The following THAP4 variants were observed in gnomAD, a reference collection of about 807,000 sequenced individuals.
THAP4 encodes the protein THAP domain containing 4.
Under a neutral mutation model 48.1 loss-of-function variants are expected in THAP4, and 18 were observed. The ratio of observed to expected loss-of-function variants is 0.37; its 90% confidence interval spans 0.26 to 0.56. THAP4 has a LOEUF of 0.56. THAP4 is among the 20% of genes least tolerant of loss of function. The probability of loss-of-function intolerance (pLI) is 0.78; values close to 1 mark genes in which losing one functional copy is unlikely to be tolerated. For synonymous variants in THAP4, 345 were observed against 324.9 expected (o/e 1.06, Z -0.66); for missense variants, 656 against 774.9 (o/e 0.85, Z 1.82).
At chr2:241,627,707 C>A (rs2067510848) in intron 2 of THAP4, among the ~76,000 whole-genome samples, 1 of 152,214 alleles carries the variant, frequency 6.6e-6, no homozygotes, top group Admixed American at 6.5e-5. Flanking sequence ...CAGCAAGAAC[C>A]ACAGAGTGCA....
intron 3 of THAP4, among the ~76,000 whole-genome samples, chr2:241,604,131 C>G (rs193282287): frequency 6.6e-6 from 1 of 152,102 alleles, no homozygotes; most frequent in Non-Finnish European, 1.5e-5. Context: ...CACCCAGGCT[C>G]GTCGCGGTCT....
intron 2 of THAP4, among the ~76,000 whole-genome samples, chr2:241,617,726 CT>C (rs1300015638): frequency 6.6e-6 from 1 of 152,180 alleles, no homozygotes; most frequent in Non-Finnish European, 1.5e-5. Flanking sequence ...CCTCAGCCTC[CT>C]CCACCAGCTA....
intron 2 of THAP4, among the ~76,000 whole-genome samples, chr2:241,606,890 T>C (rs967120064): frequency 1.3e-5 from 2 of 152,062 alleles, no homozygotes; most frequent in Non-Finnish European, 2.9e-5. Context: ...AGCTCAGGGG[T>C]CCTCCATGTC....
At chr2:241,622,329 C>T (rs1281089603) in intron 2 of THAP4, among the ~76,000 whole-genome samples, 1 of 152,150 alleles carries the variant, frequency 6.6e-6, no homozygotes, top group Non-Finnish European at 1.5e-5. Flanking sequence ...GATCACGCCA[C>T]TGCACCCCAG....
intron 2 of THAP4, among the ~76,000 whole-genome samples, chr2:241,629,157 C>T (rs898337127): frequency 6.6e-6 from 1 of 151,976 alleles, no homozygotes; most frequent in African/African-American, 2.4e-5. Flanking sequence ...CAAAGAGGGG[C>T]TCACGTGTTT....
intron 5 of THAP4, among the ~76,000 whole-genome samples, chr2:241,586,857 T>C (rs1464605920): frequency 1.3e-5 from 2 of 151,984 alleles, no homozygotes; most frequent in Admixed American, 6.6e-5. Context: ...ACATTGAAAA[T>C]TGCAAAAGAC....
In THAP4 at chr2:241,590,030, C is replaced by T. The variant is rs796067264; in HGVS notation, c.1615-5305G>A. Reference sequence around the variant, plus strand: ...AGGACACTCAGAGCTGCTCGGCTGACGATGACGGGCACTAGGACACGCAGA... The same window carrying T: ...AGGACACTCAGAGCTGCTCGGCTGATGATGACGGGCACTAGGACACGCAGA... On this transcript the variant is annotated intron_variant, in intron 5 of 5. Transcript: ENST00000407315. Among the ~76,000 whole-genome samples the T allele has an allele frequency of 2.0e-3, 163 of 81,244 alleles. 1 individual carries two copies. The Middle Eastern group carries it at 0.034, about 17-fold the overall frequency. 53.3% of individuals were successfully genotyped at this position (81,244 alleles called of 152,430 possible).
chr2:241,636,805 G>T, intron 1 of THAP4, 136 bp downstream of exon 1: 2 of 338,084 alleles, frequency 5.9e-6, no homozygotes, highest in Non-Finnish European at 8.3e-6. Flanking sequence ...GTCACACAGC[G>T]CCCACGCCCG....
intron 5 of THAP4, among the ~76,000 whole-genome samples, chr2:241,593,037 G>A (rs1237969201): frequency 6.6e-6 from 1 of 152,180 alleles, no homozygotes; most frequent in Non-Finnish European, 1.5e-5. Context: ...GAGGCCATGA[G>A]TTTGAGACCA....
intron 2 of THAP4, among the ~76,000 whole-genome samples, chr2:241,624,651 T>C (rs1383195293): frequency 1.3e-5 from 2 of 152,192 alleles, no homozygotes; most frequent in Non-Finnish European, 2.9e-5. Flanking sequence ...AATTCTGTAG[T>C]TCTGAAGTTT....
intron 2 of THAP4, among the ~76,000 whole-genome samples, chr2:241,620,193 G>A (rs1457357654): frequency 1.9e-5 from 1 of 51,552 alleles, no homozygotes; most frequent in Non-Finnish European, 3.6e-5. Context: ...GTGAGTGAGG[G>A]GTGAGGAGTG....
At chr2:241,629,155 G>A (rs1038154731) in intron 2 of THAP4, among the ~76,000 whole-genome samples, 2 of 151,998 alleles carry the variant, frequency 1.3e-5, no homozygotes, top group Admixed American at 6.6e-5. Context: ...CACAAAGAGG[G>A]GCTCACGTGT....
intron 1 of THAP4, among the ~76,000 whole-genome samples, chr2:241,634,366 G>T (rs1186472358): frequency 6.6e-6 from 1 of 152,178 alleles, no homozygotes; most frequent in Admixed American, 6.5e-5. Context: ...ATGCCCAATG[G>T]GGACACAGGA....
In THAP4 at chr2:241,584,720, G is replaced by A; in HGVS notation, c.1620C>T (p.Thr540=). ...FAKEPHVEQI[T]RKFRLNSEGK... is the part of the protein sequence containing the mutation. ...CTTCAGAATTCAGCCTGAACTTCCG[G>A]GTGATCTGAGCAGGAGAATGGAACA... Residue 540 remains threonine, a synonymous_variant, in exon 6 of 6, where the codon ACC becomes ACT. Transcript: ENST00000407315. The A allele has an allele frequency of 6.2e-7, 1 of 1,614,214 alleles. No individual in the cohort carries two copies. The highest frequency in any genetic ancestry group is 8.5e-7 in the Non-Finnish European group (1 of 1,180,038).
chr2:241,598,967 T>C (rs1325597909), intron 5 of THAP4, among the ~76,000 whole-genome samples: 3 of 150,890 alleles, frequency 2.0e-5, no homozygotes, highest in Non-Finnish European at 4.4e-5. Context: ...AAAAAAAGGC[T>C]ATCCGGCTGG....
At chr2:241,598,960 A>C (rs1373051536) in intron 5 of THAP4, among the ~76,000 whole-genome samples, 1 of 152,170 alleles carries the variant, frequency 6.6e-6, no homozygotes, top group Non-Finnish European at 1.5e-5. Flanking sequence ...ACAACTAAAA[A>C]AAAGGCTATC....
In THAP4 at chr2:241,621,306, C is replaced by A. The variant is rs138865077; in HGVS notation, c.1240+11611G>T. The stretch of plus-strand genomic sequence containing the variant: ...GAGGTTGCAGTGAGCCGAGACTGTG[C>A]CACTGCACTCCAGCCTGGGCAACAG... On this transcript the variant is annotated intron_variant, in intron 2 of 5. Coordinates refer to ENST00000407315, the MANE Select transcript of THAP4 (RefSeq NM_015963.6). 2.1e-3 allele frequency among the ~76,000 whole-genome samples: 326 copies of A among 152,188 alleles called. 1 individual carries two copies. Among genetic ancestry groups the A allele is most frequent in the Non-Finnish European group, 3.4e-3 (231 of 68,026 alleles).
intron 4 of THAP4, chr2:241,602,201 C>T: frequency 8.3e-6 from 5 of 604,400 alleles, no homozygotes; most frequent in South Asian, 6.1e-5. Context: ...CAGGCAGGTG[C>T]TCTATGGAAG....
In THAP4 at chr2:241,633,014, G is replaced by A. The variant is rs774982022; in HGVS notation, c.1143C>T (p.Ser381=). ...GELKSLRQRV[S]RSDSQVRKLQ... ...GCTTCCGCACCTGGCTGTCGGAGCG[G>A]CTGACCCTCTGCCGCAGGCTCTTCA... The change falls in exon 2 of 6, where the codon AGC becomes AGT. Residue 381 remains serine, a synonymous_variant. Coordinates refer to ENST00000407315, the MANE Select transcript of THAP4 (RefSeq NM_015963.6). The surrounding 1 kb of genome is among the most constrained non-coding windows in gnomAD (Gnocchi z 7.5). 4 of 1,613,638 alleles carry A rather than the reference G, an allele frequency of 2.5e-6. No homozygotes were observed. The South Asian group carries it at 4.4e-5, about 18-fold the overall frequency.
Sources: gnomAD v4.1 joint callset for allele counts (sites outside exome capture counted in the v4.1 genomes callset) on GRCh38, gnomAD v4.1.1 for gene constraint, Gnocchi (gnomAD v3.1) non-coding constraint, MANE v1.5 for transcripts, NCBI Gene and HGNC (gene_info 2026-07-23, HGNC 2026-07-21) for gene names.